GRM7: variants seen among roughly 807,000 people sequenced by gnomAD.
GRM7 encodes glutamate metabotropic receptor 7, also known as metabotropic glutamate receptor 7.
A neutral mutation model predicts 84.5 loss-of-function variants in GRM7; 35 were observed. The observed-to-expected ratio is 0.41, with a 90% CI of 0.32 to 0.55. The LOEUF is 0.55. GRM7 is among the 20% of genes least tolerant of loss of function. GRM7 has a pLI of 0.19. For synonymous variants in GRM7, 487 were observed against 455.1 expected (o/e 1.07, Z -0.89); for missense variants, 1,003 against 1,194.6 (o/e 0.84, Z 2.36).
intron 8 of GRM7, among the ~76,000 whole-genome samples, chr3:7,633,091 A>T (rs1378509717): frequency 6.6e-6 from 1 of 152,266 alleles, no homozygotes; most frequent in Non-Finnish European, 1.5e-5. Flanking sequence ...TGTAATGGGT[A>T]TAAAACTCTA....
intron 1 of GRM7, among the ~76,000 whole-genome samples, chr3:7,124,999 C>T (rs1422651835): frequency 2.6e-5 from 4 of 152,054 alleles, no homozygotes; most frequent in Admixed American, 6.5e-5. Context: ...AGTGCAGTGG[C>T]GCGGGTCTCA....
At chr3:6,890,841 C>T (rs1054875414) in intron 1 of GRM7, among the ~76,000 whole-genome samples, 4 of 152,106 alleles carry the variant, frequency 2.6e-5, no homozygotes. Context: ...GTGTTAAAGT[C>T]TCCCATTATT....
intron 1 of GRM7, among the ~76,000 whole-genome samples, chr3:6,926,837 G>A (rs780324855): frequency 2.5e-4 from 38 of 152,092 alleles, no homozygotes; most frequent in East Asian, 3.9e-4. Context: ...CATATTTTCC[G>A]TTTTGTGAAT....
At chr3:7,118,135 C>G (rs1693098853) in intron 1 of GRM7, among the ~76,000 whole-genome samples, 1 of 152,102 alleles carries the variant, frequency 6.6e-6, no homozygotes, top group Admixed American at 6.5e-5. Context: ...CCAGAAATCC[C>G]AGTACTTTGG....
chr3:6,968,485 T>C (rs1693616539), intron 1 of GRM7, among the ~76,000 whole-genome samples: 1 of 152,142 alleles, frequency 6.6e-6, no homozygotes, highest in South Asian at 2.1e-4. Flanking sequence ...ATCTGGAAAA[T>C]GGGGATAATA....
intron 7 of GRM7, among the ~76,000 whole-genome samples, chr3:7,573,737 C>T (rs1418413721): frequency 6.6e-6 from 1 of 152,150 alleles, no homozygotes; most frequent in African/African-American, 2.4e-5. Context: ...GGAGTCAAAG[C>T]TGATTTTCTG....
At chr3:7,406,213 T>A (rs879528848) in intron 4 of GRM7, among the ~76,000 whole-genome samples, 33 of 151,972 alleles carry the variant, frequency 2.2e-4, no homozygotes, top group Non-Finnish European at 4.6e-4. Context: ...TTTAAAAGAA[T>A]CTATCGGCCG....
chr3:7,383,936 G>A (rs1192616885), intron 4 of GRM7, among the ~76,000 whole-genome samples: 5 of 152,086 alleles, frequency 3.3e-5, no homozygotes, highest in Admixed American at 6.6e-5. Context: ...ATTCTCACTA[G>A]GTAGAAACAA....
chr3:6,968,217 G>A (rs1245323658), intron 1 of GRM7, among the ~76,000 whole-genome samples: 3 of 151,960 alleles, frequency 2.0e-5, no homozygotes, highest in Admixed American at 6.6e-5. Flanking sequence ...CGGATTCCTC[G>A]GCTGTTAGAT....
chr3:7,282,243 G>A (rs1201798861), intron 2 of GRM7, among the ~76,000 whole-genome samples: 2 of 152,182 alleles, frequency 1.3e-5, no homozygotes, highest in African/African-American at 2.4e-5. Flanking sequence ...TAATACAGAT[G>A]CATTATCTTA....
intron 1 of GRM7, among the ~76,000 whole-genome samples, chr3:7,109,932 A>G (rs968926615): frequency 1.3e-5 from 2 of 152,046 alleles, no homozygotes; most frequent in Non-Finnish European, 2.9e-5. Context: ...TGAATCTTGT[A>G]TTTTTAAATT....
At chr3:7,648,847 G>A (rs7635518) in intron 8 of GRM7, among the ~76,000 whole-genome samples, 31,870 of 152,016 alleles carry the variant, frequency 0.21, 3,815 homozygotes, top group Non-Finnish European at 0.27. Context: ...AAAGTCAGAC[G>A]TTGTGGCGTT....
intron 7 of GRM7, among the ~76,000 whole-genome samples, chr3:7,532,116 G>T (rs1701059714): frequency 6.6e-6 from 1 of 152,136 alleles, no homozygotes; most frequent in Non-Finnish European, 1.5e-5. Context: ...TTTGGTATCA[G>T]GATGATACTG....
At chr3:7,605,671 T>C (rs138612550) in intron 8 of GRM7, among the ~76,000 whole-genome samples, 1 of 151,632 alleles carries the variant, frequency 6.6e-6, no homozygotes, top group East Asian at 1.9e-4. Flanking sequence ...GCATCCCCAG[T>C]TGAAATCTAT....
intron 2 of GRM7, among the ~76,000 whole-genome samples, chr3:7,261,206 A>T (rs1350072370): frequency 1.3e-5 from 2 of 152,160 alleles, no homozygotes; most frequent in South Asian, 2.1e-4. Context: ...CAACATAGTT[A>T]CCTAGGGTCT....
chr3:7,199,236 C>T lies in GRM7; in HGVS notation c.736+52568C>T, dbSNP rs143623541. Among the ~76,000 whole-genome samples the T allele has an allele frequency of 3.5e-3, 534 of 152,254 alleles. 1 individual carries two copies. The highest frequency in any genetic ancestry group is 0.012 in the African/African-American group (495 of 41,554). On this transcript the variant is annotated intron_variant, in intron 2 of 9. Coordinates refer to ENST00000357716, the MANE Select transcript of GRM7 (RefSeq NM_000844.4). ...TCTCTTGGGAATCTGTTCACCATGCCATAAAGAACCTTGAGATGGATGCCA... is the reference window on the plus strand; with the variant it reads ...TCTCTTGGGAATCTGTTCACCATGCTATAAAGAACCTTGAGATGGATGCCA...
chr3:7,287,106 T>A (rs573114211), intron 2 of GRM7, among the ~76,000 whole-genome samples: 1 of 152,114 alleles, frequency 6.6e-6, no homozygotes, highest in Non-Finnish European at 1.5e-5. Context: ...TAGATAGAGA[T>A]AAAGAAAGCT....
rs2125042255 is a variant in GRM7, at chr3:6,928,794, C to T, written c.519+66887C>T. On this transcript the variant is annotated intron_variant, in intron 1 of 9. Transcript: ENST00000357716. The surrounding 1 kb of genome is among the most constrained non-coding windows in gnomAD (Gnocchi z 4.5). ...GCTATATTTACTGTTAGAAAATGTT[C>T]TTTTAAATTGAGCACGCTGTGGGTT... 6.6e-6 allele frequency among the ~76,000 whole-genome samples: 1 copy of T among 152,250 alleles called. No homozygotes were observed. The highest frequency in any genetic ancestry group is 2.4e-5 in the African/African-American group (1 of 41,554).
chr3:7,561,826 T>A (rs1694040005), intron 7 of GRM7, among the ~76,000 whole-genome samples: 1 of 152,184 alleles, frequency 6.6e-6, no homozygotes, highest in Non-Finnish European at 1.5e-5. Context: ...AATTTTTAAA[T>A]ATATTCATGT....
Sources: gnomAD v4.1 joint callset for allele counts (sites outside exome capture counted in the v4.1 genomes callset) on GRCh38, gnomAD v4.1.1 for gene constraint, Gnocchi (gnomAD v3.1) non-coding constraint, MANE v1.5 for transcripts, NCBI Gene and HGNC (gene_info 2026-07-23, HGNC 2026-07-21) for gene names.